The following SLC17A1 variants were observed in gnomAD, a reference collection of about 807,000 sequenced individuals.
SLC17A1 encodes solute carrier family 17 member 1.
A neutral mutation model predicts 53.5 loss-of-function variants in SLC17A1; 51 were observed. The observed-to-expected ratio is 0.95, with a 90% confidence interval of 0.76 to 1.20. The LOEUF is 1.20. SLC17A1 is among the 50% of genes most tolerant of loss of function. SLC17A1 has a pLI of 0.00. For missense variants in SLC17A1, 538 were observed against 568.2 expected, an observed-to-expected ratio of 0.95 and a Z score of 0.54; for synonymous variants, 179 against 198.8, an observed-to-expected ratio of 0.90 and a Z score of 0.84.
chr6:25,735,909 C>T, the SLC17A1 span, among the ~76,000 whole-genome samples: 2 of 152,216 alleles, frequency 1.3e-5, no homozygotes, highest in East Asian at 3.9e-4. Context: ...GGGCATGCCA[C>T]CCAAGCTGAG....
At chr6:25,807,814 G>A (rs1382936063) in intron 10 of SLC17A1, among the ~76,000 whole-genome samples, 1 of 152,040 alleles carries the variant, frequency 6.6e-6, no homozygotes, top group Non-Finnish European at 1.5e-5. Context: ...TTTTATGGCT[G>A]AGTAGTATTC....
the SLC17A1 span, chr6:25,770,040 C>T: frequency 2.5e-6 from 4 of 1,600,240 alleles, no homozygotes; most frequent in Admixed American, 3.3e-5. Context: ...CAACTAAAGA[C>T]AAACAGTAAC....
chr6:25,778,224 T>C (rs1763096881), downstream of SLC17A1, among the ~76,000 whole-genome samples: 1 of 152,012 alleles, frequency 6.6e-6, no homozygotes, highest in Non-Finnish European at 1.5e-5. Flanking sequence ...AATAAAGAAG[T>C]ATGTGGCATT....
the SLC17A1 span, chr6:25,726,000 G>T: frequency 3.8e-6 from 3 of 794,570 alleles, no homozygotes; most frequent in Non-Finnish European, 3.9e-6. Flanking sequence ...TTTGTGACAG[G>T]CAAGTAAGAT....
chr6:25,788,092 T>C (rs1420531356), intron 12 of SLC17A1, among the ~76,000 whole-genome samples: 1 of 152,130 alleles, frequency 6.6e-6, no homozygotes, highest in African/African-American at 2.4e-5. Flanking sequence ...AGCTTAAGTG[T>C]TCCTTAAACA....
the SLC17A1 span, among the ~76,000 whole-genome samples, chr6:25,750,563 T>G: frequency 2.0e-5 from 3 of 152,030 alleles, 1 homozygote; most frequent in South Asian, 6.2e-4. Flanking sequence ...GTGGTAACCA[T>G]TCATAAAAAT....
Position 25,812,826 on chromosome 6 carries a change from C to T in SLC17A1, c.897+5G>A, listed in dbSNP as rs1764205477. 6 of 1,595,190 alleles carry T rather than the reference C, an allele frequency of 3.8e-6. No individual in the cohort carries two copies. The highest frequency in any genetic ancestry group is 5.1e-6 in the Non-Finnish European group (6 of 1,167,264). On this transcript the variant is annotated splice_donor_5th_base_variant and intron_variant, in intron 8 of 12. Coordinates refer to ENST00000244527, the MANE Select transcript of SLC17A1 (RefSeq NM_005074.5). ...GTTAAAAAAAAGAACAAATAGTATA[C>T]TTACCTCTTTTATATTAACATGAAG...
chr6:25,730,165 T>G, the SLC17A1 span, among the ~76,000 whole-genome samples: 2 of 152,156 alleles, frequency 1.3e-5, no homozygotes, highest in African/African-American at 2.4e-5. Context: ...TGGGTATATA[T>G]TGAAAGGAAA....
intron 8 of SLC17A1, 147 bp from the exon 9 acceptor site, chr6:25,811,917 G>A: frequency 2.4e-6 from 2 of 829,638 alleles, no homozygotes; most frequent in Non-Finnish European, 3.7e-6. Flanking sequence ...TTACTGCTGG[G>A]ACCACATTAC....
downstream of SLC17A1, chr6:25,779,166 A>G: frequency 6.2e-7 from 1 of 1,613,766 alleles, no homozygotes; most frequent in Non-Finnish European, 8.5e-7. Context: ...TGGGCTAAAG[A>G]GCAGACATTC....
the SLC17A1 span, among the ~76,000 whole-genome samples, chr6:25,745,465 A>C: frequency 2.0e-5 from 3 of 152,194 alleles, no homozygotes; most frequent in Non-Finnish European, 4.4e-5. Context: ...TCCAAACGAA[A>C]TACGTGTATG....
intron 10 of SLC17A1, among the ~76,000 whole-genome samples, chr6:25,804,062 T>C (rs1038338560): frequency 6.6e-6 from 1 of 152,188 alleles, no homozygotes; most frequent in Admixed American, 6.5e-5. Context: ...TCTGAATATA[T>C]CGTTAATGAT....
intron 2 of SLC17A1, among the ~76,000 whole-genome samples, chr6:25,828,102 C>A (rs932793367): frequency 1.3e-5 from 2 of 152,146 alleles, no homozygotes; most frequent in African/African-American, 4.8e-5. Context: ...AACACTTTTA[C>A]CACGTAATGG....
chr6:25,759,159 G>C, the SLC17A1 span, among the ~76,000 whole-genome samples: 1 of 152,046 alleles, frequency 6.6e-6, no homozygotes, highest in Non-Finnish European at 1.5e-5. Context: ...TGGTCTGAGG[G>C]AGTACTTGAT....
chr6:25,788,961 G>C (rs9393671), intron 12 of SLC17A1, among the ~76,000 whole-genome samples: 93,776 of 152,032 alleles, frequency 0.62, 29,778 homozygotes, highest in Middle Eastern at 0.79. Context: ...TCATGGATAT[G>C]AATAGAAAGA....
chr6:25,777,987 CCTA>C, downstream of SLC17A1: 1 of 1,612,772 alleles, frequency 6.2e-7, no homozygotes, highest in Non-Finnish European at 8.5e-7. Context: ...AGCCATCTCT[CCTA>C]CTGCTGCTGG....
At chr6:25,795,057 A>G (rs959420903) in intron 12 of SLC17A1, among the ~76,000 whole-genome samples, 3 of 152,200 alleles carry the variant, frequency 2.0e-5, no homozygotes, top group Non-Finnish European at 2.9e-5. Flanking sequence ...AGAAACAACC[A>G]TCAGCACAGC....
At chr6:25,805,873 T>C (rs1394505724) in intron 10 of SLC17A1, among the ~76,000 whole-genome samples, 1 of 151,926 alleles carries the variant, frequency 6.6e-6, no homozygotes, top group Non-Finnish European at 1.5e-5. Context: ...AAATCAGTAA[T>C]TTTAAAAAAT....
chr6:25,768,818 C>A, the SLC17A1 span, among the ~76,000 whole-genome samples: 1 of 152,206 alleles, frequency 6.6e-6, no homozygotes, highest in Non-Finnish European at 1.5e-5. Flanking sequence ...CCACCTCCCC[C>A]ATTACCTCCC....
Sources: gnomAD v4.1 joint callset for allele counts (sites outside exome capture counted in the v4.1 genomes callset) on GRCh38, gnomAD v4.1.1 for gene constraint, MANE v1.5 for transcripts, NCBI Gene and HGNC (gene_info 2026-07-23, HGNC 2026-07-21) for gene names.